Variants in MIDEAS observed in about 807,000 individuals in gnomAD.
MIDEAS encodes mitotic deacetylase associated SANT domain protein.
A neutral mutation model predicts 102.7 loss-of-function variants in MIDEAS; 26 were observed. The ratio of observed to expected loss-of-function variants is 0.25; its 90% CI spans 0.19 to 0.35. The LOEUF is 0.35. Among genes scored for constraint, MIDEAS ranks in the 10% least tolerant of loss-of-function variants. The probability of loss-of-function intolerance (pLI) is 1.00; values close to 1 mark genes in which losing one functional copy is unlikely to be tolerated. For missense variants in MIDEAS, 1,231 were observed against 1,435.6 expected, an observed-to-expected ratio of 0.86 and a Z score of 2.30; for synonymous variants, 585 against 591.0, an observed-to-expected ratio of 0.99 and a Z score of 0.15.
intron 3 of MIDEAS, among the ~76,000 whole-genome samples, chr14:73,732,785 CAAAAAAAA>C (rs57681928): frequency 2.2e-5 from 1 of 46,072 alleles, no homozygotes; most frequent in Admixed American, 2.9e-4. Context: ...GACTCCCTCT[CAAAAAAAA>C]AAAAAAAAAA....
intron 12 of MIDEAS, 145 bp from the exon 13 acceptor site, chr14:73,719,153 C>T (rs2052944500): frequency 4.1e-6 from 6 of 1,468,954 alleles, no homozygotes; most frequent in Middle Eastern, 2.4e-4. Context: ...CGAAAGCTGC[C>T]CCATGACGTC....
Position 73,746,771 on chromosome 14 carries a change from A to G in MIDEAS, c.-247-6516T>C, listed in dbSNP as rs1427798998. ...CCCTTGCCATTGCCTTGCCCTGCCC[A>G]CTCCCCCACCACACACCCTCCCTGC... On this transcript the variant is annotated intron_variant, in intron 1 of 12. Coordinates refer to ENST00000423556, the MANE Select transcript of MIDEAS (RefSeq NM_001367710.1). Among the ~76,000 whole-genome samples the G allele has an allele frequency of 2.0e-5, 3 of 151,502 alleles. No individual in the cohort carries two copies. In the East Asian group the frequency reaches 5.8e-4, roughly 29 times the overall value.
chr14:73,736,727 G>C lies in MIDEAS; in HGVS notation c.1749+271C>G, dbSNP rs374165212. 2.0e-5 allele frequency among the ~76,000 whole-genome samples: 3 copies of C among 152,004 alleles called. No homozygotes were observed. The East Asian group carries it at 5.8e-4, about 29-fold the overall frequency. ...AGCACGGGCCAAATCAGAATTTGCT[G>C]ATCTGGAAAAAGAGATGTACACAAC... is the stretch of plus-strand genomic sequence containing the variant. On this transcript the variant is annotated intron_variant, in intron 3 of 12. Coordinates refer to ENST00000423556, the MANE Select transcript of MIDEAS (RefSeq NM_001367710.1).
In MIDEAS at chr14:73,726,535, G is replaced by A. The variant is rs2140102365; in HGVS notation, c.2409+69C>T. 7.6e-6 allele frequency: 11 copies of A among 1,456,246 alleles called. No individual in the cohort carries two copies. The East Asian group carries it at 9.2e-5, about 12-fold the overall frequency. 90.2% of individuals were successfully genotyped at this position (1,456,246 alleles called of 1,614,324 possible). A position where few individuals can be genotyped will look rare whatever the true frequency, so the allele number is the denominator to read the frequency against. On this transcript the variant is annotated intron_variant, in intron 7 of 12. Coordinates refer to ENST00000423556, the MANE Select transcript of MIDEAS (RefSeq NM_001367710.1). ...GTGCATGCCAGCAGCCATAGGTCCT[G>A]AGCAGCAGACATGGATCCAAGCCAG...
chr14:73,754,112 C>T (rs1157973166), intron 1 of MIDEAS, among the ~76,000 whole-genome samples: 2 of 152,190 alleles, frequency 1.3e-5, no homozygotes, highest in South Asian at 2.1e-4. Flanking sequence ...TGGAAGTGCC[C>T]GCCTGGTTAT....
rs1169996276 is a variant in MIDEAS at position 73,739,495 on chromosome 14, C to A, written c.514G>T (p.Gly172Cys). 6.2e-7 allele frequency: 1 copy of A among 1,612,580 alleles called. No homozygotes were observed. ...CGCACATAGCGGTCCAGCTGTGGGC[C>A]CCCCGCTTTCTCCCGCTTCAGTGCC... is the stretch of plus-strand genomic sequence containing the variant. ...PEALKREKAGGPQLDRYVRPM... is the reference protein window; with the variant it reads ...PEALKREKAGCPQLDRYVRPM... The change falls in exon 2 of 13, where the codon GGC becomes TGC. Residue 172 changes from glycine (G) to cysteine (C), a missense_variant. By Grantham distance (159) the Gly-to-Cys change is radical (BLOSUM62 -3). Transcript: ENST00000423556.
chr14:73,757,251 G>A lies in MIDEAS; in HGVS notation c.-248+2512C>T, dbSNP rs375738713. Among the ~76,000 whole-genome samples, 5 of 108,976 alleles carry A rather than the reference G, an allele frequency of 4.6e-5. No homozygotes were observed. The East Asian group carries it at 9.7e-4, about 21-fold the overall frequency. The allele number at this position is 108,976 out of a possible 152,430, so 71.5% of individuals were successfully genotyped here. On this transcript the variant is annotated intron_variant, in intron 1 of 12. Coordinates refer to ENST00000423556, the MANE Select transcript of MIDEAS (RefSeq NM_001367710.1). ...CGCACTACTGCACTCCAGCCTGGGC[G>A]ACAGAGAAAGACCCTATCTCTAACA... is the stretch of plus-strand genomic sequence containing the variant.
In MIDEAS at chr14:73,718,882, C is replaced by A; in HGVS notation, c.3261G>T (p.Gln1087His). Residue 1087 changes from glutamine (Q) to histidine (H), a missense_variant, in exon 13 of 13, where the codon CAG becomes CAT. Transcript: ENST00000423556. ...CCGCACCGCTCTCCTCCCGCAGGGCCTGCTGGTGGGCGGCGGCGGCGGCAG... is the reference window on the plus strand; with the variant it reads ...CCGCACCGCTCTCCTCCCGCAGGGCATGCTGGTGGGCGGCGGCGGCGGCAG... ...AAAAAAAAHQ[Q>H]ALREESGAGD... is the part of the protein sequence containing the mutation. The A allele has an allele frequency of 6.6e-7, 1 of 1,517,278 alleles. No homozygotes were observed. The highest frequency in any genetic ancestry group is 2.1e-5 in the Admixed American group (1 of 47,572). The allele number at this position is 1,517,278 out of a possible 1,614,324, so 94.0% of individuals were successfully genotyped here.
intron 11 of MIDEAS, among the ~76,000 whole-genome samples, chr14:73,720,907 G>A (rs2052980410): frequency 1.3e-5 from 2 of 152,194 alleles, no homozygotes; most frequent in South Asian, 4.1e-4. Context: ...CAGGGACTCT[G>A]GCTCTCTTAG....
chr14:73,734,174 G>A (rs1035305590), intron 3 of MIDEAS, among the ~76,000 whole-genome samples: 1 of 151,718 alleles, frequency 6.6e-6, no homozygotes, highest in Non-Finnish European at 1.5e-5. Flanking sequence ...TAGTAGAGAC[G>A]GGGTTTCACC....
At chr14:73,783,397 T>C (rs13379042) in intron 1 of MIDEAS, among the ~76,000 whole-genome samples, 63,243 of 152,012 alleles carry the variant, frequency 0.42, 16,855 homozygotes, top group African/African-American at 0.77. Context: ...ATTCTTGCCA[T>C]CAGTGGTTTG....
chr14:73,764,094 C>T (rs2140161100), upstream of MIDEAS, among the ~76,000 whole-genome samples: 1 of 152,314 alleles, frequency 6.6e-6, no homozygotes, highest in African/African-American at 2.4e-5. Flanking sequence ...AATCCTAGCA[C>T]TTTGGGAGGC....
chr14:73,752,559 C>T (rs911856313), intron 1 of MIDEAS, among the ~76,000 whole-genome samples: 10 of 152,008 alleles, frequency 6.6e-5, no homozygotes, highest in Admixed American at 5.2e-4. Flanking sequence ...TACATGCTAG[C>T]GACCAGGAAG....
At chr14:73,719,891 G>C (rs552259069) in intron 11 of MIDEAS, among the ~76,000 whole-genome samples, 1 of 150,384 alleles carries the variant, frequency 6.6e-6, no homozygotes, top group Non-Finnish European at 1.5e-5. Flanking sequence ...TAGGGACAAA[G>C]AGGTTGACAC....
At chr14:73,729,439 T>C (rs1475692189) in intron 4 of MIDEAS, among the ~76,000 whole-genome samples, 1 of 152,198 alleles carries the variant, frequency 6.6e-6, no homozygotes, top group Non-Finnish European at 1.5e-5. Flanking sequence ...AATTGAGATT[T>C]GAATCCAAGC....
At chr14:73,748,768 CAA>C (rs55972902) in intron 1 of MIDEAS, among the ~76,000 whole-genome samples, 56,374 of 124,270 alleles carry the variant, frequency 0.45, 12,290 homozygotes, top group East Asian at 0.81. Flanking sequence ...GACTCCGTCT[CAA>C]AAAAAAAAAA....
Position 73,738,901 on chromosome 14 carries a change from C to G in MIDEAS, c.1108G>C (p.Glu370Gln). 1 of 1,540,344 alleles carries G rather than the reference C, an allele frequency of 6.5e-7. No homozygotes were observed. The highest frequency in any genetic ancestry group is 8.7e-7 in the Non-Finnish European group (1 of 1,144,700). The change falls in exon 2 of 13, where the codon GAG (glutamate) becomes CAG (glutamine). Residue 370 changes from glutamate (E) to glutamine (Q), a missense_variant. Glu to Gln is a conservative substitution (Grantham distance 29). Around this residue, in one of 5 missense-constraint regions of MIDEAS, gnomAD observed 758 missense variants for 856.0 expected, o/e 0.89. Transcript: ENST00000423556. ...LDGAGTQPGQ[E>Q]ATGNLFLHHW... ...TGTAGGAACAGGTTGCCAGTGGCCTCCTGCCCAGGCTGGGTGCCAGCCCCA... is the reference window on the plus strand; with the variant it reads ...TGTAGGAACAGGTTGCCAGTGGCCTGCTGCCCAGGCTGGGTGCCAGCCCCA...
intron 11 of MIDEAS, among the ~76,000 whole-genome samples, chr14:73,720,232 A>G (rs889908891): frequency 1.4e-5 from 2 of 140,090 alleles, no homozygotes; most frequent in African/African-American, 5.3e-5. Flanking sequence ...TACTACACAC[A>G]TTCCTTTTTT....
chr14:73,770,133 T>C (rs924296353), intron 1 of MIDEAS, among the ~76,000 whole-genome samples: 2 of 151,808 alleles, frequency 1.3e-5, no homozygotes, highest in African/African-American at 4.8e-5. Flanking sequence ...CAGAATGAAA[T>C]ATGAAAGGAT....
Sources: gnomAD v4.1 joint callset for allele counts (sites outside exome capture counted in the v4.1 genomes callset) on GRCh38, gnomAD v4.1.1 for gene constraint, gnomAD v4.1.1 regional missense constraint, MANE v1.5 for transcripts, NCBI Gene and HGNC (gene_info 2026-07-23, HGNC 2026-07-21) for gene names.